TCTN2: variants seen among roughly 807,000 people sequenced by gnomAD.
TCTN2 encodes tectonic-2.
Under a neutral mutation model 83.4 loss-of-function variants are expected in TCTN2, and 66 were observed. That is an observed-to-expected ratio of 0.79 (90% CI 0.65 to 0.97). TCTN2 has a LOEUF of 0.97. Ranked by LOEUF, TCTN2 falls within the 50% of genes least tolerant of loss-of-function variation. The probability of loss-of-function intolerance (pLI) is 0.00; values close to 1 mark genes in which losing one functional copy is unlikely to be tolerated. For synonymous variants in TCTN2, 301 were observed against 326.7 expected (o/e 0.92, Z 0.85); for missense variants, 794 against 858.1 (o/e 0.93, Z 0.93).
At position 123,696,438 on chromosome 12, in the gene TCTN2, C is replaced by A; in HGVS notation, c.1336C>A (p.Arg446=). 2 of 1,614,112 alleles carry A rather than the reference C, an allele frequency of 1.2e-6. No individual in the cohort carries two copies. The highest frequency in any genetic ancestry group is 1.7e-5 in the Admixed American group (1 of 60,006). Residue 446 remains arginine (R), a synonymous_variant, in exon 12 of 18, where the codon CGA becomes AGA. Transcript: ENST00000303372. ...NPGYQLGKPV[R]ALNINRMNNV... ...AGGTTACCAACTTGGCAAGCCTGTC[C>A]GAGCTCTAAATATCAACAGGATGAA...
chr12:123,696,787 C>T, intron 12 of TCTN2: 1 of 527,022 alleles, frequency 1.9e-6, no homozygotes, highest in Non-Finnish European at 3.4e-6. Context: ...CAGGATGGTG[C>T]TAATTGGAGA....
At chr12:123,703,170 A>AT (rs947641566) in intron 14 of TCTN2, among the ~76,000 whole-genome samples, 5 of 144,072 alleles carry the variant, frequency 3.5e-5, no homozygotes, top group Non-Finnish European at 3.1e-5. Flanking sequence ...TTTTATTATT[A>AT]TTTTTTTTTC....
Position 123,679,193 on chromosome 12 carries a change from C to T in TCTN2, c.468C>T (p.Asn156=), listed in dbSNP as rs771396774. ...TCTGTTGTGTGTACTTTTCAGAGAACGTGACTGTCATTCCTAACCAGGTGT... is the reference window on the plus strand; with the variant it reads ...TCTGTTGTGTGTACTTTTCAGAGAATGTGACTGTCATTCCTAACCAGGTGT... ...NSSLTHNASE[N]VTVIPNQVYQ... The change falls in exon 5 of 18, where the codon AAC becomes AAT. Residue 156 remains asparagine, a synonymous_variant. Transcript: ENST00000303372. 2.9e-5 allele frequency: 46 copies of T among 1,612,962 alleles called. No individual in the cohort carries two copies. Among genetic ancestry groups the T allele is most frequent in the South Asian group, 1.3e-4 (12 of 91,066 alleles).
At chr12:123,686,686 C>A in intron 5 of TCTN2, 150 bp from the exon 6 acceptor site, 1 of 750,618 alleles carries the variant, frequency 1.3e-6, no homozygotes, top group Non-Finnish European at 2.3e-6. Context: ...TTTTTGTGGG[C>A]ACAAGGCACT....
At chr12:123,683,117 G>A (rs11831217) in intron 5 of TCTN2, among the ~76,000 whole-genome samples, 5,430 of 151,446 alleles carry the variant, frequency 0.036, 321 homozygotes, top group African/African-American at 0.12. Context: ...CAGCTATTCC[G>A]GCGGCTGAGG....
intron 5 of TCTN2, among the ~76,000 whole-genome samples, chr12:123,686,499 G>C (rs1332123751): frequency 6.6e-6 from 1 of 152,184 alleles, no homozygotes. Flanking sequence ...ATTAAGAAAG[G>C]AGGTTTACTA....
intron 4 of TCTN2, among the ~76,000 whole-genome samples, chr12:123,676,787 C>T (rs1955828430): frequency 6.6e-6 from 1 of 151,998 alleles, no homozygotes; most frequent in Non-Finnish European, 1.5e-5. Flanking sequence ...ATGTGTCATA[C>T]CCAGTAACAA....
At chr12:123,678,414 T>G (rs1428274617) in intron 4 of TCTN2, among the ~76,000 whole-genome samples, 3 of 152,258 alleles carry the variant, frequency 2.0e-5, no homozygotes, top group Non-Finnish European at 4.4e-5. Context: ...TAAAATATAT[T>G]AAGTTAATTT....
At chr12:123,693,759 T>A (rs1026095266) in intron 9 of TCTN2, among the ~76,000 whole-genome samples, 2 of 151,774 alleles carry the variant, frequency 1.3e-5, no homozygotes, top group Non-Finnish European at 2.9e-5. Context: ...TGGCTCAGTT[T>A]GGCTAATTTT....
chr12:123,677,039 A>G lies in TCTN2; in HGVS notation c.464-2150A>G, dbSNP rs59961898. ...CAGAAAATATGAACGTTACCTGAGCATGATGGTGCACACCTGTGGTCCCAG... is the reference window on the plus strand; with the variant it reads ...CAGAAAATATGAACGTTACCTGAGCGTGATGGTGCACACCTGTGGTCCCAG... On this transcript the variant is annotated intron_variant, in intron 4 of 17. Coordinates refer to ENST00000303372, the MANE Select transcript of TCTN2 (RefSeq NM_024809.5). Among the ~76,000 whole-genome samples the G allele has an allele frequency of 2.0e-3, 309 of 152,176 alleles. 1 individual carries two copies. Among genetic ancestry groups the G allele is most frequent in the African/African-American group, 7.0e-3 (292 of 41,530 alleles).
intron 9 of TCTN2, among the ~76,000 whole-genome samples, chr12:123,694,386 C>T (rs950580559): frequency 5.3e-5 from 8 of 152,236 alleles, no homozygotes; most frequent in Non-Finnish European, 7.3e-5. Context: ...ACCTCGGCCT[C>T]CCCAAGTGCT....
intron 9 of TCTN2, 62 bp downstream of exon 9, chr12:123,692,785 AATATATACCCTCAGAGTGT>A: frequency 7.9e-7 from 1 of 1,259,440 alleles, no homozygotes; most frequent in Non-Finnish European, 1.2e-6. Context: ...TCTTACAAGT[AATATATACCCTCAGAGTGT>A]ATATTTTTGT....
chr12:123,679,075 G>C (rs1955861183), intron 4 of TCTN2, 114 bp from the exon 5 acceptor site: 1 of 899,186 alleles, frequency 1.1e-6, no homozygotes, highest in Admixed American at 1.8e-5. Flanking sequence ...GGGATTACAG[G>C]CGTGAGCCAC....
intron 3 of TCTN2, 49 bp from the exon 4 acceptor site, chr12:123,673,566 A>G: frequency 1.9e-6 from 3 of 1,571,192 alleles, no homozygotes; most frequent in Non-Finnish European, 2.6e-6. Context: ...GTATTCTTAT[A>G]GACCCTGTTT....
chr12:123,673,973 G>A (rs947751526), intron 4 of TCTN2, among the ~76,000 whole-genome samples, 163 bp downstream of exon 4: 2 of 152,098 alleles, frequency 1.3e-5, no homozygotes, highest in Admixed American at 1.3e-4. Context: ...GTTCCAGCCA[G>A]GGTGACAGAG....
chr12:123,674,897 G>A (rs1003034759), intron 4 of TCTN2, among the ~76,000 whole-genome samples: 2 of 151,862 alleles, frequency 1.3e-5, no homozygotes, highest in African/African-American at 4.8e-5. Context: ...TTAGAGACAC[G>A]GTCTCACTCT....
chr12:123,673,869 G>A, intron 4 of TCTN2, 59 bp downstream of exon 4: 5 of 1,546,990 alleles, frequency 3.2e-6, no homozygotes, highest in Admixed American at 1.7e-5. Flanking sequence ...TTAGGAGGAA[G>A]AGGTAGGAGG....
intron 11 of TCTN2, chr12:123,696,136 G>A (rs1278690546): frequency 5.0e-6 from 2 of 399,572 alleles, no homozygotes; most frequent in Non-Finnish European, 9.5e-6. Flanking sequence ...GAGCCACTAC[G>A]CCTGGCCGAC....
chr12:123,688,214 T>G (rs1190570489), intron 7 of TCTN2, 37 bp downstream of exon 7: 2 of 223,654 alleles, frequency 8.9e-6, no homozygotes, highest in African/African-American at 5.6e-5. Flanking sequence ...GACCGTTCTC[T>G]TTTTTTTTTT....
Sources: gnomAD v4.1 joint callset for allele counts (sites outside exome capture counted in the v4.1 genomes callset) on GRCh38, gnomAD v4.1.1 for gene constraint, MANE v1.5 for transcripts, NCBI Gene and HGNC (gene_info 2026-07-23, HGNC 2026-07-21) for gene names.